CREB5: variants seen among roughly 807,000 people sequenced by gnomAD.
CREB5 encodes the protein cyclic AMP-responsive element-binding protein 5.
In CREB5, 19 loss-of-function variants were observed where a neutral mutation model predicts 57.1. The observed-to-expected ratio is 0.33, with a 90% CI of 0.23 to 0.49. CREB5 has a LOEUF of 0.49. Among genes scored for constraint, CREB5 ranks in the 20% least tolerant of loss-of-function variants. The pLI is 0.99. For missense variants in CREB5, 579 were observed against 671.6 expected, an observed-to-expected ratio of 0.86 and a Z score of 1.52; for synonymous variants, 238 against 238.3, an observed-to-expected ratio of 1.00 and a Z score of 0.01.
chr7:28,622,964 C>T (rs1035383010), intron 5 of CREB5, among the ~76,000 whole-genome samples: 1 of 152,162 alleles, frequency 6.6e-6, no homozygotes, highest in Non-Finnish European at 1.5e-5. Flanking sequence ...CTCACTGCAA[C>T]CCCCGTCTCC....
chr7:28,496,569 C>T (rs1792061291), intron 3 of CREB5, among the ~76,000 whole-genome samples: 1 of 152,108 alleles, frequency 6.6e-6, no homozygotes, highest in Non-Finnish European at 1.5e-5. Flanking sequence ...GGCCCTTGAT[C>T]CTGCAGTCCT....
rs765432428 is a variant in CREB5 at position 28,819,219 on chromosome 7, A to G, written c.1467A>G (p.Val489=). The change falls in exon 11 of 11, where the codon GTA becomes GTG. Residue 489 remains valine, a synonymous_variant. Transcript: ENST00000357727. ...CTTCCTCATCGGTCAGCGAGGTGGT[A>G]GGAAGCTCCACCCTCAGCCAGCTCA... ...ITTSSSVSEV[V]GSSTLSQLTT... 2 of 1,613,932 alleles carry G rather than the reference A, an allele frequency of 1.2e-6. No individual in the cohort carries two copies. The highest frequency in any genetic ancestry group is 2.2e-5 in the South Asian group (2 of 91,070).
chr7:28,560,214 G>A lies in CREB5; in HGVS notation c.292-10151G>A, dbSNP rs137863664. 8.5e-5 allele frequency among the ~76,000 whole-genome samples: 13 copies of A among 152,300 alleles called. No individual in the cohort carries two copies. In the East Asian group the frequency reaches 2.1e-3, roughly 25 times the overall value. On this transcript the variant is annotated intron_variant, in intron 4 of 10. Transcript: ENST00000357727. ...TGCTTAGAGGACAGGATTTAGCTAG[G>A]CAGAGAGAAGGAGAGGAAATTCTAG...
intron 4 of CREB5, among the ~76,000 whole-genome samples, chr7:28,561,011 T>TGCGTGTGTGCGTGCGTGTGTGTGCGTGC (rs1280116550): frequency 1.7e-4 from 8 of 48,024 alleles, no homozygotes; most frequent in African/African-American, 6.3e-4. Context: ...TGTGCGTGTG[T>TGCGTGTGTGCGTGCGTGTGTGTGCGTGC]GTGTGCGTGT....
intron 1 of CREB5, among the ~76,000 whole-genome samples, chr7:28,317,281 G>A (rs555130476): frequency 5.3e-5 from 8 of 152,238 alleles, no homozygotes; most frequent in Admixed American, 2.6e-4. Context: ...GTGAAACCAG[G>A]GTGGGCACCA....
chr7:28,362,512 G>A (rs1036555144), intron 1 of CREB5, among the ~76,000 whole-genome samples: 1 of 152,154 alleles, frequency 6.6e-6, no homozygotes, highest in African/African-American at 2.4e-5. Context: ...AAACTCAAGT[G>A]CATGAGAGAT....
At chr7:28,371,446 G>T (rs1032192642) in intron 1 of CREB5, among the ~76,000 whole-genome samples, 1 of 146,322 alleles carries the variant, frequency 6.8e-6, no homozygotes, top group Non-Finnish European at 1.5e-5. Flanking sequence ...CCAAGATCGC[G>T]ACACTGCACT....
chr7:28,326,103 T>A (rs1785594406), intron 1 of CREB5, among the ~76,000 whole-genome samples: 1 of 152,208 alleles, frequency 6.6e-6, no homozygotes, highest in Non-Finnish European at 1.5e-5. Context: ...GTTACTGTGA[T>A]GTCATTGATT....
Position 28,590,910 on chromosome 7 carries a change from T to G in CREB5, c.464+20373T>G, listed in dbSNP as rs556980199. Among the ~76,000 whole-genome samples the G allele has an allele frequency of 1.8e-3, 277 of 152,312 alleles. 4 individuals are homozygous for G. Among genetic ancestry groups the G allele is most frequent in the African/African-American group, 6.5e-3 (271 of 41,574 alleles). ...CATTATCATCATCGTTATCACTAACTACCTGCTCAATGTGTGGTTAGGAGT... is the reference window on the plus strand; with the variant it reads ...CATTATCATCATCGTTATCACTAACGACCTGCTCAATGTGTGGTTAGGAGT... On this transcript the variant is annotated intron_variant, in intron 5 of 10. Transcript: ENST00000357727.
chr7:28,522,970 C>A (rs2128617253), intron 4 of CREB5, among the ~76,000 whole-genome samples: 1 of 152,310 alleles, frequency 6.6e-6, no homozygotes, highest in South Asian at 2.1e-4. Flanking sequence ...TGAGAGACAT[C>A]CACTCGCTGT....
At position 28,584,694 on chromosome 7, in the gene CREB5, G is replaced by A. The variant is rs1025612862; in HGVS notation, c.464+14157G>A. ...TGGCTTTTAAACCACCCAGTTTGTG[G>A]TAATTTGTGACTGCAGCCCTAGAAA... On this transcript the variant is annotated intron_variant, in intron 5 of 10. Transcript: ENST00000357727. 5.3e-5 allele frequency among the ~76,000 whole-genome samples: 8 copies of A among 152,028 alleles called. No homozygotes were observed. In the East Asian group the frequency reaches 1.5e-3, roughly 29 times the overall value.
Position 28,495,554 on chromosome 7 carries a change from T to A in CREB5, c.169+555T>A, listed in dbSNP as rs899638892. 7.5e-4 allele frequency among the ~76,000 whole-genome samples: 101 copies of A among 135,220 alleles called. 1 individual carries two copies. Among genetic ancestry groups the A allele is most frequent in the Admixed American group, 2.2e-3 (30 of 13,676 alleles). The allele number at this position is 135,220 out of a possible 152,430, so 88.7% of individuals were successfully genotyped here. ...AACTCCGTCTCAAAAAAAAAAAAAA[T>A]TACATACCTGTAATCACACTCGAGC... On this transcript the variant is annotated intron_variant, in intron 3 of 10. Transcript: ENST00000357727.
At chr7:28,660,519 T>A (rs752651288) in intron 5 of CREB5, among the ~76,000 whole-genome samples, 1 of 150,142 alleles carries the variant, frequency 6.7e-6, no homozygotes, top group South Asian at 2.1e-4. Context: ...TGGAGAAAAA[T>A]AATCACTCAA....
chr7:28,608,815 T>C (rs2128675357), intron 5 of CREB5, among the ~76,000 whole-genome samples: 1 of 152,290 alleles, frequency 6.6e-6, no homozygotes, highest in Non-Finnish European at 1.5e-5. Context: ...ATAGGGACTG[T>C]TGGTTTTGTG....
At chr7:28,656,828 C>T (rs930459585) in intron 5 of CREB5, among the ~76,000 whole-genome samples, 20 of 151,502 alleles carry the variant, frequency 1.3e-4, no homozygotes, top group African/African-American at 3.4e-4. Flanking sequence ...ATTTTTTGAC[C>T]TTGTGCATTT....
At chr7:28,411,327 C>G (rs539250804), upstream of CREB5, among the ~76,000 whole-genome samples, 1 of 152,170 alleles carries the variant, frequency 6.6e-6, no homozygotes, top group Non-Finnish European at 1.5e-5. Context: ...CAAGACTAAA[C>G]GTTTCATTTC....
At chr7:28,406,975 C>A (rs1787594343) in intron 1 of CREB5, among the ~76,000 whole-genome samples, 1 of 151,668 alleles carries the variant, frequency 6.6e-6, no homozygotes, top group Admixed American at 6.6e-5. Context: ...AGCCAAAATA[C>A]CTTTATTAAT....
chr7:28,310,373 T>C (rs1007467807), intron 1 of CREB5, among the ~76,000 whole-genome samples: 3 of 152,234 alleles, frequency 2.0e-5, no homozygotes, highest in African/African-American at 7.2e-5. Flanking sequence ...TATGCTTGTC[T>C]GTTGGTGTTT....
At chr7:28,302,668 G>T (rs1401587459) in intron 1 of CREB5, among the ~76,000 whole-genome samples, 1 of 152,134 alleles carries the variant, frequency 6.6e-6, no homozygotes, top group Non-Finnish European at 1.5e-5. Context: ...GGCCATGAAC[G>T]TCCTGCTCAG....
Sources: allele counts gnomAD v4.1 joint callset (sites outside exome capture counted in the v4.1 genomes callset), GRCh38; gene constraint gnomAD v4.1.1; transcripts MANE v1.5; gene names NCBI Gene and HGNC (gene_info 2026-07-23, HGNC 2026-07-21).